ADGRL3: variants seen among roughly 807,000 people sequenced by gnomAD.
ADGRL3 encodes adhesion G protein-coupled receptor L3.
Under a neutral mutation model 153.5 loss-of-function variants are expected in ADGRL3, and 62 were observed. That is an observed-to-expected ratio of 0.40 (90% confidence interval 0.33 to 0.50). The LOEUF (loss-of-function observed/expected upper bound fraction) is 0.50, where lower values mean the gene tolerates loss of function less well. Ranked by LOEUF, ADGRL3 falls within the 20% of genes least tolerant of loss-of-function variation. ADGRL3 has a pLI of 0.47. For synonymous variants in ADGRL3, 710 were observed against 672.5 expected (o/e 1.06, Z -0.86); for missense variants, 1,641 against 1,859.4 (o/e 0.88, Z 2.16).
intron 9 of ADGRL3, among the ~76,000 whole-genome samples, chr4:61,880,734 G>C (rs1049719134): frequency 6.6e-6 from 1 of 152,160 alleles, no homozygotes; most frequent in Non-Finnish European, 1.5e-5. Context: ...AAGTGTTTTA[G>C]AAGGATTTAC....
At chr4:61,259,032 C>A (rs549514831) in intron 1 of ADGRL3, among the ~76,000 whole-genome samples, 29 of 152,312 alleles carry the variant, frequency 1.9e-4, no homozygotes, top group African/African-American at 7.0e-4. Context: ...TCCAGGCACA[C>A]TTCCTCATCA....
At chr4:61,390,460 G>A (rs919322853) in intron 2 of ADGRL3, among the ~76,000 whole-genome samples, 11 of 152,230 alleles carry the variant, frequency 7.2e-5, no homozygotes, top group African/African-American at 2.2e-4. Flanking sequence ...TTTATAGATC[G>A]GTGTTTTGTG....
At chr4:61,527,880 A>G (rs1182543457) in intron 4 of ADGRL3, among the ~76,000 whole-genome samples, 1 of 152,164 alleles carries the variant, frequency 6.6e-6, no homozygotes, top group African/African-American at 2.4e-5. Context: ...CCACTTTAAC[A>G]GCATCATATC....
intron 5 of ADGRL3, among the ~76,000 whole-genome samples, chr4:61,588,677 G>A (rs977220803): frequency 6.6e-6 from 1 of 151,920 alleles, no homozygotes; most frequent in African/African-American, 2.4e-5. Context: ...GTTACATCTT[G>A]TTGTTCTTGT....
chr4:61,626,086 G>C (rs748756008), intron 5 of ADGRL3, among the ~76,000 whole-genome samples: 4 of 151,424 alleles, frequency 2.6e-5, no homozygotes, highest in Non-Finnish European at 4.4e-5. Context: ...AATCAAATTA[G>C]AAAACCCCGG....
intron 8 of ADGRL3, among the ~76,000 whole-genome samples, chr4:61,750,685 G>T (rs1400100996): frequency 6.6e-6 from 1 of 150,854 alleles, no homozygotes; most frequent in Non-Finnish European, 1.5e-5. Flanking sequence ...AGCTACTTGG[G>T]AGGCTGAGGC....
At chr4:61,713,126 G>A (rs896008159) in intron 6 of ADGRL3, among the ~76,000 whole-genome samples, 10 of 152,024 alleles carry the variant, frequency 6.6e-5, no homozygotes, top group South Asian at 4.2e-4. Context: ...TTACTATATC[G>A]CTAGCTTGAC....
At chr4:61,280,737 A>G (rs532249824) in intron 1 of ADGRL3, among the ~76,000 whole-genome samples, 11 of 152,282 alleles carry the variant, frequency 7.2e-5, no homozygotes, top group Admixed American at 2.0e-4. Flanking sequence ...AAGTTCATGT[A>G]AGGATGCATA....
At chr4:61,963,610 G>A (rs894521110) in intron 17 of ADGRL3, among the ~76,000 whole-genome samples, 4 of 152,060 alleles carry the variant, frequency 2.6e-5, no homozygotes, top group African/African-American at 9.7e-5. Flanking sequence ...TTTTATGGCT[G>A]CATAGTATTT....
intron 1 of ADGRL3, among the ~76,000 whole-genome samples, chr4:61,233,461 A>AGCAGTATG (rs1360948620): frequency 3.9e-5 from 6 of 152,168 alleles, no homozygotes; most frequent in Non-Finnish European, 8.8e-5. Flanking sequence ...GAAGAAGAAA[A>AGCAGTATG]GCAGTATGAG....
chr4:61,228,544 T>A (rs1451848880), intron 1 of ADGRL3, among the ~76,000 whole-genome samples: 1 of 152,156 alleles, frequency 6.6e-6, no homozygotes, highest in Non-Finnish European at 1.5e-5. Flanking sequence ...AAAATGTAAA[T>A]GTTCTAGATT....
intron 2 of ADGRL3, among the ~76,000 whole-genome samples, chr4:61,449,274 T>G (rs181103390): frequency 1.3e-5 from 2 of 152,030 alleles, no homozygotes; most frequent in East Asian, 3.9e-4. Context: ...GTAGCTGGGA[T>G]TAGAGAAATG....
intron 1 of ADGRL3, among the ~76,000 whole-genome samples, chr4:61,326,260 T>C (rs939824572): frequency 3.9e-5 from 6 of 152,124 alleles, no homozygotes; most frequent in African/African-American, 1.4e-4. Context: ...AGCCGGTTTT[T>C]TTCCTCTAGG....
intron 9 of ADGRL3, among the ~76,000 whole-genome samples, chr4:61,853,608 C>T (rs898911423): frequency 3.3e-5 from 5 of 152,150 alleles, no homozygotes; most frequent in Non-Finnish European, 1.5e-5. Context: ...AACATTTCCC[C>T]CGTAGAGACA....
intron 4 of ADGRL3, among the ~76,000 whole-genome samples, chr4:61,536,899 G>A (rs1267687001): frequency 2.0e-5 from 3 of 152,022 alleles, no homozygotes; most frequent in African/African-American, 4.8e-5. Flanking sequence ...ATATTGATAT[G>A]TGAGGTATTA....
chr4:61,831,416 A>T (rs1031515986), intron 9 of ADGRL3, among the ~76,000 whole-genome samples: 1 of 57,762 alleles, frequency 1.7e-5, no homozygotes, highest in African/African-American at 8.7e-5. Context: ...CTAAGTAAAA[A>T]AAAAAAAAAA....
intron 4 of ADGRL3, among the ~76,000 whole-genome samples, chr4:61,566,460 A>G (rs928310362): frequency 6.6e-5 from 10 of 152,190 alleles, no homozygotes; most frequent in Non-Finnish European, 1.2e-4. Flanking sequence ...ACAATTCAAC[A>G]CATAACAGGA....
At chr4:61,623,439 A>G in intron 5 of ADGRL3, among the ~76,000 whole-genome samples, 1 of 152,044 alleles carries the variant, frequency 6.6e-6, no homozygotes, top group African/African-American at 2.4e-5. Context: ...CAGCCCTATA[A>G]ATTTAAAATA....
intron 1 of ADGRL3, among the ~76,000 whole-genome samples, chr4:61,250,733 C>A (rs574307118): frequency 3.9e-5 from 6 of 152,276 alleles, no homozygotes; most frequent in African/African-American, 1.4e-4. Context: ...GTGTTACTGA[C>A]AGCTGAGAAG....
Sources: gnomAD v4.1 joint callset for allele counts (sites outside exome capture counted in the v4.1 genomes callset) on GRCh38, gnomAD v4.1.1 for gene constraint, MANE v1.5 for transcripts, NCBI Gene and HGNC (gene_info 2026-07-23, HGNC 2026-07-21) for gene names.